The following PLAA variants were observed in gnomAD, a reference collection of about 807,000 sequenced individuals.
The protein encoded by PLAA is phospholipase A2 activating protein, also known as phospholipase A-2-activating protein.
A neutral mutation model predicts 84.1 loss-of-function variants in PLAA; 48 were observed. The ratio of observed to expected loss-of-function variants is 0.57; its 90% CI spans 0.45 to 0.73. PLAA has a LOEUF of 0.73. Among genes scored for constraint, PLAA ranks in the 30% least tolerant of loss-of-function variants. PLAA has a pLI of 0.00. For missense variants in PLAA, 903 were observed against 954.7 expected (o/e 0.95, Z 0.71); for synonymous variants, 392 against 336.6 (o/e 1.16, Z -1.80).
At chr9:26,937,431 AAT>A (rs1347193595) in intron 1 of PLAA, among the ~76,000 whole-genome samples, 7 of 152,198 alleles carry the variant, frequency 4.6e-5, no homozygotes, top group African/African-American at 1.4e-4. Context: ...AAAGGGGAAG[AAT>A]ATGATTTCTA....
intron 12 of PLAA, 21 bp downstream of exon 12, chr9:26,910,317 A>AAATT: frequency 6.5e-7 from 1 of 1,543,878 alleles, no homozygotes; most frequent in Non-Finnish European, 9.0e-7. Flanking sequence ...ATATGTGAAT[A>AAATT]AATTAATTAA....
chr9:26,925,323 C>T (rs1467133872), intron 6 of PLAA, among the ~76,000 whole-genome samples: 1 of 152,220 alleles, frequency 6.6e-6, no homozygotes, highest in African/African-American at 2.4e-5. Context: ...GGCATGAAAG[C>T]ACTAAAGGTT....
At chr9:26,915,212 C>CAAA (rs144965647) in intron 10 of PLAA, among the ~76,000 whole-genome samples, 11 of 144,202 alleles carry the variant, frequency 7.6e-5, no homozygotes, top group Admixed American at 2.8e-4. Flanking sequence ...AACTCTGACT[C>CAAA]GAAAAAAAAA....
At chr9:26,946,307 C>A (rs1277046955) in intron 1 of PLAA, among the ~76,000 whole-genome samples, 2 of 151,564 alleles carry the variant, frequency 1.3e-5, no homozygotes, top group East Asian at 3.9e-4. Context: ...CTGATAAATC[C>A]TTTGAAGGCA....
At position 26,926,500 on chromosome 9, in the gene PLAA, G is replaced by C; in HGVS notation, c.626C>G (p.Ala209Gly). The change falls in exon 5 of 14, where the codon GCA (alanine) becomes GGA (glycine). Residue 209 changes from alanine to glycine, a missense_variant. Ala to Gly is a moderately conservative substitution (Grantham distance 60). Transcript: ENST00000397292. ...ILSETEFLSC[A>G]NDASIRRWQI... ...CCACCTTCTAATACTAGCATCATTTGCACAGGAAAGAAATTCTGTTTCACT... is the reference window on the plus strand; with the variant it reads ...CCACCTTCTAATACTAGCATCATTTCCACAGGAAAGAAATTCTGTTTCACT... The C allele has an allele frequency of 6.2e-7, 1 of 1,613,140 alleles. No homozygotes were observed. Among genetic ancestry groups the C allele is most frequent in the Non-Finnish European group, 8.5e-7 (1 of 1,179,310 alleles).
At chr9:26,935,473 T>C (rs1436060755) in intron 1 of PLAA, among the ~76,000 whole-genome samples, 1 of 152,182 alleles carries the variant, frequency 6.6e-6, no homozygotes, top group African/African-American at 2.4e-5. Context: ...GGGCAATAAA[T>C]AATCATGACT....
At chr9:26,936,974 C>A (rs1825379395) in intron 1 of PLAA, among the ~76,000 whole-genome samples, 1 of 152,090 alleles carries the variant, frequency 6.6e-6, no homozygotes, top group South Asian at 2.1e-4. Flanking sequence ...AACCCCGTCT[C>A]TACTAAAAAT....
At chr9:26,909,617 CT>C (rs367983051) in intron 12 of PLAA, among the ~76,000 whole-genome samples, 10,954 of 142,186 alleles carry the variant, frequency 0.077, 419 homozygotes, top group Middle Eastern at 0.17. Context: ...AGATTAATTT[CT>C]TTTTTTTTTT....
chr9:26,920,254 T>A lies in PLAA; in HGVS notation c.1170A>T (p.Thr390=). Reference sequence around the variant, plus strand: ...TCCCTTCATATAAAACTTTTCCAGATGTTTGCTGATTAGCACCAGATGAGC... The same window carrying A: ...TCCCTTCATATAAAACTTTTCCAGAAGTTTGCTGATTAGCACCAGATGAGC... The part of the protein sequence containing the change: ...VVGSSGANQQ[T]SGKVLYEGKE... The change falls in exon 8 of 14, where the codon ACA becomes ACT. Residue 390 remains threonine, a synonymous_variant. Coordinates refer to ENST00000397292, the MANE Select transcript of PLAA (RefSeq NM_001031689.3). 1.9e-6 allele frequency: 3 copies of A among 1,613,980 alleles called. No individual in the cohort carries two copies. The highest frequency in any genetic ancestry group is 2.5e-6 in the Non-Finnish European group (3 of 1,179,902).
At chr9:26,911,869 G>T (rs1441591619) in intron 11 of PLAA, among the ~76,000 whole-genome samples, 6 of 151,798 alleles carry the variant, frequency 4.0e-5, no homozygotes. Context: ...GGAATAGAAA[G>T]GGATGAAGGT....
Position 26,937,276 on chromosome 9 carries a change from G to C in PLAA, c.150-2070C>G, listed in dbSNP as rs1022956375. 3.3e-5 allele frequency among the ~76,000 whole-genome samples: 5 copies of C among 152,240 alleles called. No homozygotes were observed. The East Asian group carries it at 9.7e-4, about 29-fold the overall frequency. ...AAAAAATTAGAAAGTGAAAGTGCAT[G>C]CCCAGGGAAAAGCACAGGCTCAGAA... is the stretch of plus-strand genomic sequence containing the variant. On this transcript the variant is annotated intron_variant, in intron 1 of 13. Coordinates refer to ENST00000397292, the MANE Select transcript of PLAA (RefSeq NM_001031689.3).
chr9:26,911,109 G>A (rs1824385927), intron 11 of PLAA, among the ~76,000 whole-genome samples: 1 of 151,902 alleles, frequency 6.6e-6, no homozygotes, highest in Non-Finnish European at 1.5e-5. Context: ...GTGCAAGTTT[G>A]TTACATAGGT....
chr9:26,926,809 G>A (rs1824982326), intron 4 of PLAA, among the ~76,000 whole-genome samples: 1 of 151,718 alleles, frequency 6.6e-6, no homozygotes, highest in Admixed American at 6.6e-5. Flanking sequence ...TCCAGAAATA[G>A]TATTTTGACC....
Position 26,928,398 on chromosome 9 carries a change from T to C in PLAA, c.354A>G (p.Leu118=), listed in dbSNP as rs752388379. The change falls in exon 3 of 14, where the codon CTA becomes CTG. Residue 118 remains leucine (L), a synonymous_variant. Transcript: ENST00000397292. The part of the protein sequence containing the change: ...LKGHKNTVCS[L]SSGKFGTLLS... ...GTAATGTCCCAAATTTTCCAGATGA[T>C]AGACTACAAACTAAGGAAAAAACAT... 5 of 1,606,308 alleles carry C rather than the reference T, an allele frequency of 3.1e-6. No homozygotes were observed. Among genetic ancestry groups the C allele is most frequent in the Non-Finnish European group, 4.3e-6 (5 of 1,173,008 alleles).
At chr9:26,916,197 G>C (rs1300820133) in intron 10 of PLAA, 5 of 985,368 alleles carry the variant, frequency 5.1e-6, no homozygotes, top group Non-Finnish European at 6.0e-6. Flanking sequence ...CTATGACTTA[G>C]AGAGGACTGT....
intron 12 of PLAA, among the ~76,000 whole-genome samples, chr9:26,908,550 G>A (rs763863848): frequency 1.5e-4 from 22 of 150,872 alleles, no homozygotes; most frequent in African/African-American, 3.7e-4. Context: ...TGCAACCTCC[G>A]CCATCAGGAT....
At chr9:26,940,809 A>G (rs1825511047) in intron 1 of PLAA, among the ~76,000 whole-genome samples, 1 of 152,220 alleles carries the variant, frequency 6.6e-6, no homozygotes. Flanking sequence ...AAAGAAAGAT[A>G]CCTGGTAGTA....
chr9:26,911,028 G>A (rs966344943), intron 11 of PLAA, among the ~76,000 whole-genome samples: 2 of 151,794 alleles, frequency 1.3e-5, no homozygotes, highest in Non-Finnish European at 1.5e-5. Flanking sequence ...GTAAATCCCT[G>A]AAGGACAGGA....
chr9:26,915,003 A>G (rs7034670), intron 10 of PLAA, among the ~76,000 whole-genome samples: 45,223 of 151,970 alleles, frequency 0.3, 7,939 homozygotes, highest in East Asian at 0.64. Context: ...ACCTGAGGTC[A>G]GGAGTTCGAG....
Sources: allele counts gnomAD v4.1 joint callset (sites outside exome capture counted in the v4.1 genomes callset), GRCh38; gene constraint gnomAD v4.1.1; transcripts MANE v1.5; gene names NCBI Gene and HGNC (gene_info 2026-07-23, HGNC 2026-07-21).